Variants in XKR4 observed in about 807,000 individuals in gnomAD.
XKR4 encodes XK-related protein 4.
XKR4 carries 12 observed loss-of-function variants against 53.9 expected under a neutral mutation model. The ratio of observed to expected loss-of-function variants is 0.22; its 90% CI spans 0.14 to 0.36. The LOEUF (loss-of-function observed/expected upper bound fraction) is 0.36, where lower values mean the gene tolerates loss of function less well. Ranked by LOEUF, XKR4 falls within the 10% of genes least tolerant of loss-of-function variation. The pLI, the probability that XKR4 is intolerant of heterozygous loss-of-function variation, is 1.00. For synonymous variants in XKR4, 354 were observed against 362.4 expected, an observed-to-expected ratio of 0.98 and a Z score of 0.26; for missense variants, 799 against 859.5, an observed-to-expected ratio of 0.93 and a Z score of 0.88.
At chr8:55,357,152 A>T (rs766880249) in intron 1 of XKR4, among the ~76,000 whole-genome samples, 15 of 152,212 alleles carry the variant, frequency 9.9e-5, no homozygotes, top group Non-Finnish European at 1.8e-4. Context: ...GATCAACTGT[A>T]CTTACACTGA....
intron 1 of XKR4, among the ~76,000 whole-genome samples, chr8:55,120,529 T>C (rs1252895454): frequency 6.6e-6 from 1 of 151,734 alleles, no homozygotes; most frequent in Non-Finnish European, 1.5e-5. Context: ...AATGGTACTT[T>C]TGAGACCCCT....
intron 1 of XKR4, among the ~76,000 whole-genome samples, chr8:55,108,555 A>AT (rs1454224818): frequency 1.3e-5 from 2 of 152,152 alleles, no homozygotes; most frequent in African/African-American, 4.8e-5. Context: ...TGGGAGAGTC[A>AT]TTTTTCAGAA....
At chr8:55,449,539 G>T in intron 2 of XKR4, 1 of 1,479,014 alleles carries the variant, frequency 6.8e-7, no homozygotes, top group Non-Finnish European at 9.4e-7. Flanking sequence ...TCTGGATCCG[G>T]TCCACCCACT....
chr8:55,116,258 A>T (rs1295960964), intron 1 of XKR4, among the ~76,000 whole-genome samples: 11 of 152,274 alleles, frequency 7.2e-5, no homozygotes, highest in Middle Eastern at 6.8e-3. Flanking sequence ...ATCTACACGG[A>T]GAAAGAACTG....
chr8:55,382,499 A>T (rs901345156), intron 2 of XKR4, among the ~76,000 whole-genome samples: 3 of 152,186 alleles, frequency 2.0e-5, no homozygotes, highest in African/African-American at 7.2e-5. Flanking sequence ...TAATCAGGTG[A>T]TTCTTAATGT....
In XKR4 at chr8:55,222,836, T is replaced by G. The variant is rs1817899592; in HGVS notation, c.806+119542T>G. 2.1e-5 allele frequency among the ~76,000 whole-genome samples: 3 copies of G among 142,552 alleles called. No homozygotes were observed. The South Asian group carries it at 6.5e-4, about 31-fold the overall frequency. 93.5% of individuals were successfully genotyped at this position (142,552 alleles called of 152,430 possible). On this transcript the variant is annotated intron_variant, in intron 1 of 2. Coordinates refer to ENST00000327381, the MANE Select transcript of XKR4 (RefSeq NM_052898.2). ...TAGCTAATATATTTAAAGGAGGGGA[T>G]TTTTTTTTTAAAGAATATAAGGTCA...
At chr8:55,172,083 G>T (rs999129360) in intron 1 of XKR4, among the ~76,000 whole-genome samples, 1 of 151,996 alleles carries the variant, frequency 6.6e-6, no homozygotes, top group Non-Finnish European at 1.5e-5. Context: ...GCGTGGTGCC[G>T]CATTCCTGTA....
At chr8:55,265,030 A>C (rs1818576999) in intron 1 of XKR4, among the ~76,000 whole-genome samples, 2 of 152,182 alleles carry the variant, frequency 1.3e-5, no homozygotes, top group African/African-American at 4.8e-5. Context: ...TATGACTTTG[A>C]AGCATTTCTT....
At position 55,334,718 on chromosome 8, in the gene XKR4, G is replaced by A. The variant is rs760244427; in HGVS notation, c.807-22960G>A. Reference sequence around the variant, plus strand: ...CTGATGGCCTGAGATGTGTATGGGTGCAGGTGTACACATACAGATAATGTG... The same window carrying A: ...CTGATGGCCTGAGATGTGTATGGGTACAGGTGTACACATACAGATAATGTG... On this transcript the variant is annotated intron_variant, in intron 1 of 2. Transcript: ENST00000327381. Among the ~76,000 whole-genome samples, 124 of 152,124 alleles carry A rather than the reference G, an allele frequency of 8.2e-4. 1 individual carries two copies. Among genetic ancestry groups the A allele is most frequent in the Non-Finnish European group, 3.4e-4 (23 of 68,012 alleles).
chr8:55,498,278 C>T (rs994192901), intron 2 of XKR4, among the ~76,000 whole-genome samples: 2 of 152,170 alleles, frequency 1.3e-5, no homozygotes, highest in Admixed American at 6.5e-5. Flanking sequence ...CTAGGGAAGA[C>T]GGATCCCCAT....
chr8:55,145,075 G>A (rs534672953), intron 1 of XKR4, among the ~76,000 whole-genome samples: 7 of 152,020 alleles, frequency 4.6e-5, no homozygotes, highest in Non-Finnish European at 7.4e-5. Flanking sequence ...CCAGGGATCC[G>A]CCCGCCTTGG....
intron 2 of XKR4, among the ~76,000 whole-genome samples, chr8:55,437,740 A>G (rs566956501): frequency 6.6e-6 from 1 of 152,338 alleles, no homozygotes; most frequent in South Asian, 2.1e-4. Flanking sequence ...CTTGTTTTGC[A>G]TGTGGCTCAC....
intron 2 of XKR4, among the ~76,000 whole-genome samples, chr8:55,442,870 G>C (rs923391388): frequency 1.1e-4 from 16 of 152,072 alleles, no homozygotes; most frequent in South Asian, 6.2e-4. Context: ...TTTTTTGCAG[G>C]GGGTGATGAA....
intron 2 of XKR4, among the ~76,000 whole-genome samples, chr8:55,441,905 A>G (rs896086530): frequency 6.6e-6 from 1 of 152,092 alleles, no homozygotes; most frequent in Admixed American, 6.5e-5. Flanking sequence ...TGGAAAAAGA[A>G]GAAAGACTCA....
chr8:55,138,062 A>G (rs1363282524), intron 1 of XKR4, among the ~76,000 whole-genome samples: 1 of 152,130 alleles, frequency 6.6e-6, no homozygotes, highest in East Asian at 1.9e-4. Context: ...CTGTCTCATT[A>G]CCTTCTTGAA....
chr8:55,222,120 C>T (rs1034219405), intron 1 of XKR4, among the ~76,000 whole-genome samples: 2 of 152,212 alleles, frequency 1.3e-5, no homozygotes, highest in African/African-American at 2.4e-5. Context: ...TTGCTTAAGA[C>T]TTTTGTCCTG....
At chr8:55,271,329 G>T (rs182448663) in intron 1 of XKR4, among the ~76,000 whole-genome samples, 1 of 152,272 alleles carries the variant, frequency 6.6e-6, no homozygotes, top group East Asian at 1.9e-4. Flanking sequence ...AAAGCAGAGT[G>T]GCTATTACTA....
At chr8:55,423,098 CACTT>C (rs1804959954) in intron 2 of XKR4, among the ~76,000 whole-genome samples, 1 of 146,472 alleles carries the variant, frequency 6.8e-6, no homozygotes. Flanking sequence ...CAAATCTTGA[CACTT>C]TTTTTTTTTT....
chr8:55,476,468 C>G (rs752422772), intron 2 of XKR4, among the ~76,000 whole-genome samples: 1 of 152,136 alleles, frequency 6.6e-6, no homozygotes, highest in Non-Finnish European at 1.5e-5. Context: ...CAATCTACAG[C>G]TCCCAGCGTG....
Sources: allele counts gnomAD v4.1 joint callset (sites outside exome capture counted in the v4.1 genomes callset), GRCh38; gene constraint gnomAD v4.1.1; transcripts MANE v1.5; gene names NCBI Gene and HGNC (gene_info 2026-07-23, HGNC 2026-07-21).